PRKDC: variants seen among roughly 807,000 people sequenced by gnomAD.
The protein encoded by PRKDC is DNA-dependent protein kinase catalytic subunit.
Under a neutral mutation model 486.9 loss-of-function variants are expected in PRKDC, and 82 were observed. The observed-to-expected ratio is 0.17, with a 90% CI of 0.14 to 0.20. The LOEUF is 0.20. Among genes scored for constraint, PRKDC ranks in the 10% least tolerant of loss-of-function variants. The pLI, the probability that PRKDC is intolerant of heterozygous loss-of-function variation, is 1.00. For synonymous variants in PRKDC, 1,895 were observed against 1,837.0 expected (o/e 1.03, Z -0.81); for missense variants, 4,504 against 5,038.2 (o/e 0.89, Z 3.21).
At position 47,817,481 on chromosome 8, in the gene PRKDC, T is replaced by A. The variant is rs762257182; in HGVS notation, c.9526A>T (p.Met3176Leu). The A allele has an allele frequency of 6.2e-7, 1 of 1,606,696 alleles. No individual in the cohort carries two copies. The highest frequency in any genetic ancestry group is 8.5e-7 in the Non-Finnish European group (1 of 1,175,880). ...GTGATGATGTCATCCCAGATGTTCA[T>A]TGGGTCCATTTTAGCATCTGGATAT... is the stretch of plus-strand genomic sequence containing the variant. Reference protein sequence around the residue: ...NRYPDAKMDPMNIWDDIITNR... With the variant: ...NRYPDAKMDPLNIWDDIITNR... Residue 3176 changes from methionine (M) to leucine (L), a missense_variant, in exon 68 of 86, where the codon ATG (methionine) becomes TTG (leucine). This residue lies in a region of PRKDC where 1,592 missense variants were observed against 1,724.6 expected (regional missense o/e 0.92). Transcript: ENST00000314191.
chr8:47,850,870 T>C (rs1002864174), intron 52 of PRKDC, among the ~76,000 whole-genome samples: 1 of 152,138 alleles, frequency 6.6e-6, no homozygotes, highest in Non-Finnish European at 1.5e-5. Flanking sequence ...AGTGCAGTGG[T>C]GTGATCTCAG....
In PRKDC at chr8:47,960,036, C is replaced by T. The variant is rs1355263972; in HGVS notation, c.91G>A (p.Gly31Ser). ...CCCAGGCCGCGGATCAGTTGATGAC[C>T]GGCCAGGGCAGCACCGCAGCGGTCC... ...AADRCGAALA[G>S]HQLIRGLGQE... The change falls in exon 1 of 86, where the codon GGT becomes AGT. Residue 31 changes from glycine to serine, a missense_variant. Physicochemically the swap from Gly to Ser is moderately conservative, Grantham distance 56. Transcript: ENST00000314191. 1.3e-6 allele frequency: 2 copies of T among 1,533,980 alleles called. No homozygotes were observed. Among genetic ancestry groups the T allele is most frequent in the African/African-American group, 1.4e-5 (1 of 72,930 alleles).
At chr8:47,867,973 A>T (rs556423335) in intron 40 of PRKDC, among the ~76,000 whole-genome samples, 2 of 152,308 alleles carry the variant, frequency 1.3e-5, no homozygotes, top group Admixed American at 6.5e-5. Context: ...TTATTCTATT[A>T]TATGGTATCT....
rs755580037 is a variant in PRKDC at position 47,957,297 on chromosome 8, G to A, written c.232-34C>T. On this transcript the variant is annotated intron_variant, in intron 2 of 85. Transcript: ENST00000314191. ...AAAGAGATACATATTGTAAATATGG[G>A]TAAGAGGAGTCACTCCAGGAATATA... 3.2e-6 allele frequency: 5 copies of A among 1,574,752 alleles called. No homozygotes were observed. In the East Asian group the frequency reaches 6.7e-5, roughly 21 times the overall value.
intron 57 of PRKDC, among the ~76,000 whole-genome samples, chr8:47,836,905 G>A (rs1485356808): frequency 2.0e-5 from 3 of 152,224 alleles, no homozygotes; most frequent in Non-Finnish European, 4.4e-5. Flanking sequence ...GGAGCTCCCT[G>A]CAACCTGCCC....
intron 29 of PRKDC, among the ~76,000 whole-genome samples, chr8:47,897,886 G>A (rs1278400934): frequency 2.0e-5 from 3 of 152,144 alleles, no homozygotes; most frequent in Non-Finnish European, 4.4e-5. Context: ...CCAGAGTGGC[G>A]GTCACTAGCA....
At chr8:47,924,289 T>C (rs1209535111) in intron 21 of PRKDC, among the ~76,000 whole-genome samples, 1 of 152,142 alleles carries the variant, frequency 6.6e-6, no homozygotes, top group Non-Finnish European at 1.5e-5. Flanking sequence ...CTGGGCATGG[T>C]AGCTCATGCC....
At chr8:47,832,445 G>A (rs2087907730) in intron 59 of PRKDC, among the ~76,000 whole-genome samples, 1 of 152,140 alleles carries the variant, frequency 6.6e-6, no homozygotes, top group Non-Finnish European at 1.5e-5. Context: ...AAGCAACAAG[G>A]AAAGAGCAAC....
intron 52 of PRKDC, among the ~76,000 whole-genome samples, chr8:47,850,771 G>A (rs1405772022): frequency 1.3e-5 from 2 of 152,180 alleles, no homozygotes; most frequent in Admixed American, 1.3e-4. Context: ...CAGGTGCTGA[G>A]GGACATTGCG....
At chr8:47,952,390 T>C (rs1181746260) in intron 7 of PRKDC, among the ~76,000 whole-genome samples, 1 of 152,224 alleles carries the variant, frequency 6.6e-6, no homozygotes, top group Non-Finnish European at 1.5e-5. Flanking sequence ...TGAGTTCATC[T>C]GTGTAACTTT....
At chr8:47,805,295 G>C (rs1203343279) in intron 69 of PRKDC, 2 of 152,186 alleles carry the variant, frequency 1.3e-5, no homozygotes, top group African/African-American at 4.8e-5. Context: ...TCCAAGCTTT[G>C]TTATCTGTGT....
chr8:47,866,845 C>T lies in PRKDC; in HGVS notation c.5364-2082G>A, dbSNP rs551537214. ...TTTAGGAATCTACCCCAAAGATACACGGGCAAATACAAGATGATATAAACA... is the reference window on the plus strand; with the variant it reads ...TTTAGGAATCTACCCCAAAGATACATGGGCAAATACAAGATGATATAAACA... On this transcript the variant is annotated intron_variant, in intron 40 of 85. Transcript: ENST00000314191. Among the ~76,000 whole-genome samples the T allele has an allele frequency of 3.5e-4, 53 of 152,210 alleles. 1 individual carries two copies. The South Asian group carries it at 9.3e-3, about 27-fold the overall frequency.
At chr8:47,898,401 T>A in intron 29 of PRKDC, 69 bp downstream of exon 29, 7 of 1,229,256 alleles carry the variant, frequency 5.7e-6, no homozygotes, top group Non-Finnish European at 8.2e-6. Context: ...CATCCCAGGT[T>A]GTCCTTCATT....
Position 47,820,737 on chromosome 8 carries a change from G to C in PRKDC, c.9318C>G (p.Gly3106=). 6.4e-7 allele frequency: 1 copy of C among 1,557,100 alleles called. No individual in the cohort carries two copies. The highest frequency in any genetic ancestry group is 8.7e-7 in the Non-Finnish European group (1 of 1,148,878). The change falls in exon 66 of 86, where the codon GGC becomes GGG. Residue 3106 remains glycine, a synonymous_variant. Transcript: ENST00000314191. ...VDRAKYYIQN[G]IQSFMQNYSS... is the part of the protein sequence containing the mutation. ...GTATTACCTGCATAAAACTCTGAATGCCATTTTGAATGTAATATTTGGCTC... is the reference window on the plus strand; with the variant it reads ...GTATTACCTGCATAAAACTCTGAATCCCATTTTGAATGTAATATTTGGCTC...
At chr8:47,947,988 T>C (rs2090562122) in intron 7 of PRKDC, among the ~76,000 whole-genome samples, 1 of 151,430 alleles carries the variant, frequency 6.6e-6, no homozygotes, top group Non-Finnish European at 1.5e-5. Flanking sequence ...AGGACCACGG[T>C]GGGAGCATCA....
chr8:47,866,320 T>C (rs2088811590), intron 40 of PRKDC, among the ~76,000 whole-genome samples: 1 of 152,118 alleles, frequency 6.6e-6, no homozygotes, highest in Non-Finnish European at 1.5e-5. Flanking sequence ...TCCAGAACCA[T>C]GAGAAATACT....
chr8:47,802,330 G>C (rs1381539832), intron 70 of PRKDC, among the ~76,000 whole-genome samples: 2 of 152,158 alleles, frequency 1.3e-5, no homozygotes. Context: ...GAGCTGGTCT[G>C]GGAACCAGCT....
At chr8:47,916,385 T>C (rs186233474) in intron 22 of PRKDC, among the ~76,000 whole-genome samples, 14 of 151,870 alleles carry the variant, frequency 9.2e-5, no homozygotes, top group African/African-American at 3.4e-4. Flanking sequence ...GAGGTGGAGG[T>C]TGCAGTGAGC....
chr8:47,795,494 T>C (rs982772227), intron 73 of PRKDC, among the ~76,000 whole-genome samples: 5 of 150,090 alleles, frequency 3.3e-5, no homozygotes, highest in Non-Finnish European at 7.4e-5. Flanking sequence ...CGGCCTTTTT[T>C]TTTTTTTTTT....
Sources: allele counts gnomAD v4.1 joint callset (sites outside exome capture counted in the v4.1 genomes callset), GRCh38; gene constraint gnomAD v4.1.1; regional missense constraint gnomAD v4.1.1; transcripts MANE v1.5; gene names NCBI Gene and HGNC (gene_info 2026-07-23, HGNC 2026-07-21).